AP1B1: variants seen among roughly 807,000 people sequenced by gnomAD.
The protein encoded by AP1B1 is adaptor related protein complex 1 subunit beta 1.
In AP1B1, 36 loss-of-function variants were observed where a neutral mutation model predicts 104.3. The ratio of observed to expected loss-of-function variants is 0.35; its 90% CI spans 0.26 to 0.46. The LOEUF is 0.46. AP1B1 is among the 20% of genes least tolerant of loss of function. AP1B1 has a pLI of 1.00. For synonymous variants in AP1B1, 504 were observed against 517.5 expected (o/e 0.97, Z 0.35); for missense variants, 901 against 1,247.9 (o/e 0.72, Z 4.19).
At chr22:29,387,293 G>A (rs895700979) in intron 1 of AP1B1, among the ~76,000 whole-genome samples, 3 of 151,338 alleles carry the variant, frequency 2.0e-5, no homozygotes, top group African/African-American at 7.3e-5. Flanking sequence ...AAATACAACG[G>A]CAGCTAAAAA....
intron 14 of AP1B1, 38 bp from the exon 15 acceptor site, chr22:29,339,812 C>T (rs894174531): frequency 6.3e-7 from 1 of 1,597,376 alleles, no homozygotes; most frequent in East Asian, 2.3e-5. Flanking sequence ...GAACAGGCAG[C>T]CACATGCAGA....
intron 9 of AP1B1, 74 bp from the exon 10 acceptor site, chr22:29,350,224 C>A: frequency 8.6e-7 from 1 of 1,159,128 alleles, no homozygotes; most frequent in Non-Finnish European, 1.3e-6. Flanking sequence ...GTCCACGCCT[C>A]GGCCAAGGGC....
intron 7 of AP1B1, 41 bp from the exon 8 acceptor site, chr22:29,351,866 C>T: frequency 6.2e-7 from 1 of 1,607,238 alleles, no homozygotes; most frequent in Non-Finnish European, 8.5e-7. Flanking sequence ...AAAAACAAGG[C>T]TTAAGCCCTG....
At chr22:29,341,466 GT>G (rs1394795487) in intron 13 of AP1B1, 34 bp downstream of exon 13, 1 of 1,593,248 alleles carries the variant, frequency 6.3e-7, no homozygotes, top group African/African-American at 1.3e-5. Flanking sequence ...GAAGCAGAGT[GT>G]GAAGGCGCAG....
rs2061877944 is a variant in AP1B1 at position 29,351,716 on chromosome 22, T to G, written c.1048A>C (p.Asn350His). ...DIMIRLASQANIAQVLAELKE... is the reference protein window; with the variant it reads ...DIMIRLASQAHIAQVLAELKE... ...CACACGCAGCTGACCTGGGCGATGT[T>G]GGCCTGAGAGGCCAGGCGGATCATG... Residue 350 changes from asparagine to histidine, a missense_variant, in exon 8 of 23, where the codon AAC becomes CAC. Around this residue, in one of 3 missense-constraint regions of AP1B1, gnomAD observed 471 missense variants for 696.7 expected, o/e 0.68. Transcript: ENST00000357586. 3 of 1,613,924 alleles carry G rather than the reference T, an allele frequency of 1.9e-6. No individual in the cohort carries two copies. The highest frequency in any genetic ancestry group is 2.7e-5 in the African/African-American group (2 of 74,946).
Position 29,330,067 on chromosome 22 carries a change from C to T in AP1B1, c.2766+311G>A, listed in dbSNP as rs549652077. The stretch of plus-strand genomic sequence containing the variant: ...ACATGCAGGCACTCACAGGACAGGG[C>T]CAGGGCCTGTGCCCAGCAATGTCAC... On this transcript the variant is annotated intron_variant, in intron 21 of 22. Transcript: ENST00000357586. 928 of 1,411,986 alleles carry T rather than the reference C, an allele frequency of 6.6e-4. 1 individual carries two copies. The highest frequency in any genetic ancestry group is 3.4e-3 in the South Asian group (225 of 65,860). 87.5% of individuals were successfully genotyped at this position (1,411,986 alleles called of 1,614,324 possible). A position where few individuals can be genotyped will look rare whatever the true frequency, so the allele number is the denominator to read the frequency against.
Position 29,329,076 on chromosome 22 carries a change from G to A in AP1B1, c.2776-181C>T, listed in dbSNP as rs1401328380. On this transcript the variant is annotated intron_variant, in intron 22 of 22. Coordinates refer to ENST00000357586, the MANE Select transcript of AP1B1 (RefSeq NM_001127.4). ...GAGGGGGCGGCTGTCGCAGCCAGCC[G>A]GGTGTGGACCAAATATACTTGCAGC... 26 of 1,414,720 alleles carry A rather than the reference G, an allele frequency of 1.8e-5. No homozygotes were observed. In the East Asian group the frequency reaches 5.0e-4, roughly 27 times the overall value. The allele number at this position is 1,414,720 out of a possible 1,614,324, so 87.6% of individuals were successfully genotyped here.
At chr22:29,372,424 C>CAAAAAAAAAAAAAAAAAA (rs695265) in intron 1 of AP1B1, among the ~76,000 whole-genome samples, 2 of 53,334 alleles carry the variant, frequency 3.7e-5, no homozygotes, top group Non-Finnish European at 4.1e-5. Flanking sequence ...AACTGGGTCT[C>CAAAAAAAAAAAAAAAAAA]AAAAAAAAAA....
chr22:29,361,831 GT>G (rs2062051955), intron 3 of AP1B1, among the ~76,000 whole-genome samples: 2 of 151,726 alleles, frequency 1.3e-5, no homozygotes, highest in South Asian at 4.2e-4. Flanking sequence ...GTCTTGCTCT[GT>G]TGCCCAGGCT....
At chr22:29,383,527 G>A (rs1030606458) in intron 1 of AP1B1, among the ~76,000 whole-genome samples, 4 of 151,876 alleles carry the variant, frequency 2.6e-5, no homozygotes, top group East Asian at 3.9e-4. Context: ...TGGCTAACAC[G>A]GTGAAACCCC....
At chr22:29,357,854 A>C (rs1486606091) in intron 5 of AP1B1, among the ~76,000 whole-genome samples, 1 of 151,200 alleles carries the variant, frequency 6.6e-6, no homozygotes. Flanking sequence ...CACCCGGCTA[A>C]TTTTTGTATT....
intron 2 of AP1B1, among the ~76,000 whole-genome samples, chr22:29,363,897 A>G (rs561664010): frequency 1.2e-3 from 186 of 150,484 alleles, no homozygotes; most frequent in African/African-American, 4.3e-3. Flanking sequence ...CCTGTCTCCA[A>G]AAAAAAAAAG....
Sources: gnomAD v4.1 joint callset for allele counts (sites outside exome capture counted in the v4.1 genomes callset) on GRCh38, gnomAD v4.1.1 for gene constraint, gnomAD v4.1.1 regional missense constraint, MANE v1.5 for transcripts, NCBI Gene and HGNC (gene_info 2026-07-23, HGNC 2026-07-21) for gene names.